Variants in POU2F3 observed in about 807,000 individuals in gnomAD.
POU2F3 encodes the protein POU class 2 homeobox 3, also known as POU domain, class 2, transcription factor 3.
POU2F3 carries 23 observed loss-of-function variants against 59.2 expected under a neutral mutation model. The ratio of observed to expected loss-of-function variants is 0.39; its 90% CI spans 0.28 to 0.55. The LOEUF (loss-of-function observed/expected upper bound fraction) is 0.55. POU2F3 is among the 20% of genes least tolerant of loss of function. POU2F3 has a pLI of 0.66. For missense variants in POU2F3, 473 were observed against 544.5 expected, an observed-to-expected ratio of 0.87 and a Z score of 1.31; for synonymous variants, 190 against 214.6, an observed-to-expected ratio of 0.89 and a Z score of 1.00.
chr11:120,267,100 G>A (rs1426997261), intron 2 of POU2F3, among the ~76,000 whole-genome samples: 1 of 151,480 alleles, frequency 6.6e-6, no homozygotes, highest in Non-Finnish European at 1.5e-5. Context: ...GCGGCTGTGG[G>A]TCCTTCCCGT....
Position 120,319,432 on chromosome 11 carries a change from T to A in POU2F3, c.*1040T>A. The stretch of plus-strand genomic sequence containing the variant: ...AGAGTTCCCACATGGGCTGGGATTT[T>A]TTTTTCTTTTTCTTTTTTTTTTTTT... On this transcript the variant is annotated 3_prime_UTR_variant, in exon 13 of 13. Coordinates refer to ENST00000543440, the MANE Select transcript of POU2F3 (RefSeq NM_014352.4). The A allele has an allele frequency of 6.9e-6, 1 of 144,578 alleles. No homozygotes were observed. Among genetic ancestry groups the A allele is most frequent in the South Asian group, 2.3e-4 (1 of 4,318 alleles). 9.0% of individuals were successfully genotyped at this position (144,578 alleles called of 1,614,324 possible).
chr11:120,285,829 A>C lies in POU2F3; in HGVS notation c.133-12436A>C, dbSNP rs554035752. ...TTTATAGGTTGTTTCATGGCAGTAC[A>C]TAGAGAGTTATATGATTTTTGTTAA... is the stretch of plus-strand genomic sequence containing the variant. On this transcript the variant is annotated intron_variant, in intron 3 of 12. Coordinates refer to ENST00000543440, the MANE Select transcript of POU2F3 (RefSeq NM_014352.4). This position sits in a 1 kb window ranked among gnomAD's most constrained non-coding sequence, Gnocchi z 4.3. Among the ~76,000 whole-genome samples, 1 of 152,288 alleles carries C rather than the reference A, an allele frequency of 6.6e-6. No individual in the cohort carries two copies. The highest frequency in any genetic ancestry group is 2.4e-5 in the African/African-American group (1 of 41,562).
chr11:120,299,607 T>C lies in POU2F3; in HGVS notation c.259-17T>C. 6.2e-7 allele frequency: 1 copy of C among 1,608,798 alleles called. No individual in the cohort carries two copies. Among genetic ancestry groups the C allele is most frequent in the Non-Finnish European group, 8.5e-7 (1 of 1,176,824 alleles). ...GCTTGTAAATTCTGTGGTGTATGTGTATCTCTCCGTGTGTAGGACATGGCT... is the reference window on the plus strand; with the variant it reads ...GCTTGTAAATTCTGTGGTGTATGTGCATCTCTCCGTGTGTAGGACATGGCT... On this transcript the variant is annotated splice_polypyrimidine_tract_variant and intron_variant, in intron 4 of 12. Transcript: ENST00000543440.
At chr11:120,241,990 G>T (rs2847497) in intron 1 of POU2F3, among the ~76,000 whole-genome samples, 20,082 of 152,198 alleles carry the variant, frequency 0.13, 1,705 homozygotes, top group African/African-American at 0.22. Context: ...CTGTCCCTGT[G>T]AGCAGGTATT....
intron 2 of POU2F3, chr11:120,250,425 T>A (rs1172261370): frequency 6.6e-6 from 1 of 152,278 alleles, no homozygotes; most frequent in Non-Finnish European, 1.5e-5. Flanking sequence ...AGTGACAACA[T>A]GTGTCTGTAA....
chr11:120,236,786 A>C (rs1446545946), upstream of POU2F3: 1 of 1,347,410 alleles, frequency 7.4e-7, no homozygotes, highest in Non-Finnish European at 1.0e-6. Flanking sequence ...AGAAGGAATA[A>C]AGATTGCTCA....
chr11:120,309,920 A>T (rs887403577), intron 10 of POU2F3, among the ~76,000 whole-genome samples: 2 of 152,124 alleles, frequency 1.3e-5, no homozygotes, highest in African/African-American at 2.4e-5. Context: ...AAGAAACAGC[A>T]AGGCAACCAG....
At chr11:120,267,137 T>C in intron 2 of POU2F3, among the ~76,000 whole-genome samples, 1 of 151,978 alleles carries the variant, frequency 6.6e-6, no homozygotes, top group East Asian at 1.9e-4. Flanking sequence ...AGATCTCTTT[T>C]TTTTTTTTTT....
chr11:120,246,089 C>T (rs1938855836), intron 1 of POU2F3, among the ~76,000 whole-genome samples: 2 of 152,082 alleles, frequency 1.3e-5, no homozygotes, highest in Non-Finnish European at 2.9e-5. Flanking sequence ...TCCTCAGATC[C>T]CAAAGGAAAC....
At chr11:120,309,682 T>G (rs775562164) in intron 10 of POU2F3, 96 bp downstream of exon 10, 3 of 1,388,178 alleles carry the variant, frequency 2.2e-6, no homozygotes, top group Non-Finnish European at 3.0e-6. Flanking sequence ...GAGCATCCAG[T>G]AAATAAATAA....
At chr11:120,263,735 C>G (rs1939703718) in intron 2 of POU2F3, among the ~76,000 whole-genome samples, 1 of 152,216 alleles carries the variant, frequency 6.6e-6, no homozygotes, top group Non-Finnish European at 1.5e-5. Flanking sequence ...GTGTTGGACT[C>G]TGAAAATAAT....
Position 120,309,480 on chromosome 11 carries a change from A to T in POU2F3, c.962A>T (p.Glu321Val). 6 of 1,614,046 alleles carry T rather than the reference A, an allele frequency of 3.7e-6. No individual in the cohort carries two copies. Among genetic ancestry groups the T allele is most frequent in the Non-Finnish European group, 5.1e-6 (6 of 1,179,948 alleles). ...ISMIAEQLSMEKEVVRVWFCN... is the reference protein window; with the variant it reads ...ISMIAEQLSMVKEVVRVWFCN... ...ATGATTGCAGAGCAGTTGTCCATGG[A>T]GAAGGAGGTGGTGAGGGTCTGGTTC... The change falls in exon 10 of 13, where the codon GAG becomes GTG. Residue 321 changes from glutamate to valine, a missense_variant. Glu to Val is a moderately radical substitution (Grantham distance 121). Coordinates refer to ENST00000543440, the MANE Select transcript of POU2F3 (RefSeq NM_014352.4).
chr11:120,288,336 C>A (rs1472042074), intron 3 of POU2F3, among the ~76,000 whole-genome samples: 2 of 152,076 alleles, frequency 1.3e-5, no homozygotes, highest in Non-Finnish European at 2.9e-5. Context: ...TCAGCAAGAT[C>A]TCTATTCGAA....
At chr11:120,260,682 T>C (rs1939556632) in intron 2 of POU2F3, among the ~76,000 whole-genome samples, 1 of 152,160 alleles carries the variant, frequency 6.6e-6, no homozygotes, top group Non-Finnish European at 1.5e-5. Flanking sequence ...TTGGTGGAGA[T>C]GCACAGTCCT....
rs1187022062 is a variant in POU2F3, at chr11:120,307,562, C to T, written c.853C>T (p.Arg285Trp). 15 of 1,614,064 alleles carry T rather than the reference C, an allele frequency of 9.3e-6. No individual in the cohort carries two copies. The highest frequency in any genetic ancestry group is 4.0e-5 in the African/African-American group (3 of 74,928). The change falls in exon 9 of 13, where the codon CGG (arginine) becomes TGG (tryptophan). Residue 285 changes from arginine (R) to tryptophan (W), a missense_variant. Coordinates refer to ENST00000543440, the MANE Select transcript of POU2F3 (RefSeq NM_014352.4). ...AGTATTTGGTAGGAAGAGAAAGAAA[C>T]GGACCAGCATCGAGACCAACATCCG... ...SEVFGRKRKK[R>W]TSIETNIRLT...
intron 3 of POU2F3, among the ~76,000 whole-genome samples, chr11:120,296,410 CTTTTA>C (rs1242513643): frequency 4.6e-5 from 7 of 152,130 alleles, no homozygotes; most frequent in Non-Finnish European, 7.4e-5. Context: ...TTTTATCTAA[CTTTTA>C]TTTTAAGTTC....
upstream of POU2F3, among the ~76,000 whole-genome samples, chr11:120,236,897 C>A (rs979419301): frequency 6.6e-6 from 1 of 152,200 alleles, no homozygotes; most frequent in East Asian, 1.9e-4. Context: ...GTAGAAACGT[C>A]TCTGCTGAGC....
At chr11:120,268,260 G>A (rs558491424) in intron 2 of POU2F3, among the ~76,000 whole-genome samples, 48 of 152,088 alleles carry the variant, frequency 3.2e-4, no homozygotes, top group African/African-American at 1.1e-3. Context: ...TAATTATGAC[G>A]TCCTCTCGGT....
At chr11:120,269,168 A>G in intron 2 of POU2F3, 42 bp from the exon 3 acceptor site, 26 of 1,505,738 alleles carry the variant, frequency 1.7e-5, no homozygotes, top group Non-Finnish European at 2.4e-5. Context: ...GCTCTTCCAA[A>G]CCTGCTACCA....
Sources: allele counts gnomAD v4.1 joint callset (sites outside exome capture counted in the v4.1 genomes callset), GRCh38; gene constraint gnomAD v4.1.1; non-coding constraint Gnocchi (gnomAD v3.1); transcripts MANE v1.5; gene names NCBI Gene and HGNC (gene_info 2026-07-23, HGNC 2026-07-21).